GCN1: variants seen among roughly 807,000 people sequenced by gnomAD.
GCN1 encodes the protein stalled ribosome sensor GCN1.
A neutral mutation model predicts 288.4 loss-of-function variants in GCN1; 90 were observed. The observed-to-expected ratio is 0.31, with a 90% confidence interval of 0.26 to 0.37. GCN1 has a LOEUF of 0.37. Among genes scored for constraint, GCN1 ranks in the 10% least tolerant of loss-of-function variants. The probability of loss-of-function intolerance (pLI) is 1.00; values close to 1 mark genes in which losing one functional copy is unlikely to be tolerated. For synonymous variants in GCN1, 1,386 were observed against 1,420.2 expected (o/e 0.98, Z 0.54); for missense variants, 2,586 against 3,419.9 (o/e 0.76, Z 6.08).
intron 11 of GCN1, 110 bp from the exon 12 acceptor site, chr12:120,175,322 T>C (rs1037788946): frequency 1.9e-6 from 2 of 1,032,570 alleles, no homozygotes; most frequent in Admixed American, 1.8e-5. Context: ...ATTCCAGAAG[T>C]AGCCTTTGTG....
intron 2 of GCN1, 76 bp from the exon 3 acceptor site, chr12:120,184,963 G>A: frequency 4.2e-6 from 4 of 959,064 alleles, no homozygotes; most frequent in South Asian, 3.9e-5. Context: ...ATTCTGCCCA[G>A]ACATGATCTC....
chr12:120,176,344 T>C, intron 9 of GCN1, 127 bp from the exon 10 acceptor site: 1 of 657,692 alleles, frequency 1.5e-6, no homozygotes, highest in Non-Finnish European at 2.7e-6. Context: ...ACAGGCTACA[T>C]GAGTAGTCCC....
At chr12:120,185,609 T>A (rs533234077) in intron 2 of GCN1, among the ~76,000 whole-genome samples, 59 of 152,312 alleles carry the variant, frequency 3.9e-4, no homozygotes, top group Admixed American at 2.7e-3. Context: ...CCCCCCCGCC[T>A]TTTATTTTTC....
At chr12:120,152,489 T>C (rs1034470572) in intron 33 of GCN1, among the ~76,000 whole-genome samples, 8 of 131,248 alleles carry the variant, frequency 6.1e-5, no homozygotes, top group African/African-American at 2.4e-4. Flanking sequence ...AAGAAATTTA[T>C]TTGCACTGTA....
rs2064741500 is a variant in GCN1 at position 120,153,696 on chromosome 12, G to C, written c.3867+48C>G. On this transcript the variant is annotated intron_variant, in intron 32 of 57. Coordinates refer to ENST00000300648, the MANE Select transcript of GCN1 (RefSeq NM_006836.2). This position sits in a 1 kb window ranked among gnomAD's most constrained non-coding sequence, Gnocchi z 4.4. ...CCTCCCGTGTCTCCTTAGCGGGCTG[G>C]GACCCCCTTACCTTCCCGTGGGTGT... The C allele has an allele frequency of 1.3e-6, 2 of 1,576,108 alleles. No individual in the cohort carries two copies. Among genetic ancestry groups the C allele is most frequent in the South Asian group, 1.1e-5 (1 of 88,230 alleles).
In GCN1 at chr12:120,156,668, G is replaced by A. The variant is rs1877758729; in HGVS notation, c.3169-64C>T. On this transcript the variant is annotated intron_variant, in intron 27 of 57. Coordinates refer to ENST00000300648, the MANE Select transcript of GCN1 (RefSeq NM_006836.2). This position sits in a 1 kb window ranked among gnomAD's most constrained non-coding sequence, Gnocchi z 5.8. ...CATTTACTACTAGGGGGCCAGAGAG[G>A]GATATGCACTGAGAACACCCACCCC... 2.6e-6 allele frequency: 4 copies of A among 1,530,042 alleles called. No homozygotes were observed. The highest frequency in any genetic ancestry group is 3.6e-6 in the Non-Finnish European group (4 of 1,109,818). 94.8% of individuals were successfully genotyped at this position (1,530,042 alleles called of 1,614,324 possible).
intron 5 of GCN1, among the ~76,000 whole-genome samples, 166 bp from the exon 6 acceptor site, chr12:120,179,116 C>T (rs1199241179): frequency 6.6e-6 from 1 of 152,236 alleles, no homozygotes; most frequent in Non-Finnish European, 1.5e-5. Context: ...CCACCCCACA[C>T]ATTTAGTTCT....
rs1190485443 is a variant in GCN1, at chr12:120,163,052, C to T, written c.2038+18G>A. ...CCCTAAAGCTCTGGGCTCTCCCACA[C>T]CCACCGCAGCCACGGACCTAAGGAT... On this transcript the variant is annotated intron_variant, in intron 19 of 57. Transcript: ENST00000300648. The T allele has an allele frequency of 3.7e-6, 6 of 1,613,524 alleles. No homozygotes were observed. Among genetic ancestry groups the T allele is most frequent in the Non-Finnish European group, 4.2e-6 (5 of 1,179,536 alleles).
Position 120,150,041 on chromosome 12 carries a change from C to T in GCN1, c.4312G>A (p.Ala1438Thr), listed in dbSNP as rs1420963569. 2 of 1,613,874 alleles carry T rather than the reference C, an allele frequency of 1.2e-6. No individual in the cohort carries two copies. Among genetic ancestry groups the T allele is most frequent in the South Asian group, 2.2e-5 (2 of 91,070 alleles). The change falls in exon 35 of 58, where the codon GCC (alanine) becomes ACC (threonine). Residue 1438 changes from alanine (A) to threonine (T), a missense_variant and splice_region_variant. Physicochemically the swap from Ala to Thr is moderately conservative, Grantham distance 58. This residue lies in a region of GCN1 where 371 missense variants were observed against 572.6 expected (regional missense o/e 0.65). Coordinates refer to ENST00000300648, the MANE Select transcript of GCN1 (RefSeq NM_006836.2). ...DKKNFRRREG[A>T]LFAFEMLCTM... ...CAGAGCATCTCGAAGGCAAAGAGGG[C>T]TCCTAGGGGAAAAGAAGGTGGGACG...
intron 36 of GCN1, 61 bp downstream of exon 36, chr12:120,149,545 C>A: frequency 8.4e-7 from 1 of 1,188,948 alleles, no homozygotes; most frequent in Non-Finnish European, 1.3e-6. Context: ...ACCCAGGATC[C>A]TTGCTGAGGC....
intron 18 of GCN1, among the ~76,000 whole-genome samples, chr12:120,164,100 CA>C (rs1476916619): frequency 6.6e-6 from 1 of 151,754 alleles, no homozygotes; most frequent in Non-Finnish European, 1.5e-5. Context: ...CAAAACAAAA[CA>C]AAAACCCCAA....
intron 14 of GCN1, among the ~76,000 whole-genome samples, chr12:120,171,756 C>A (rs1878321014): frequency 6.6e-6 from 1 of 152,148 alleles, no homozygotes; most frequent in Admixed American, 6.6e-5. Flanking sequence ...AAAATAAATG[C>A]AACGAGCAGA....
At chr12:120,160,372 T>C (rs531401868) in intron 22 of GCN1, 117 bp from the exon 23 acceptor site, 34 of 725,848 alleles carry the variant, frequency 4.7e-5, no homozygotes, top group Non-Finnish European at 5.0e-5. Flanking sequence ...TAAGTGTGAG[T>C]TGGGCCCCTG....
Position 120,137,770 on chromosome 12 carries a change from G to C in GCN1, c.6438C>G (p.Asp2146Glu). 1 of 1,614,010 alleles carries C rather than the reference G, an allele frequency of 6.2e-7. No individual in the cohort carries two copies. Among genetic ancestry groups the C allele is most frequent in the Non-Finnish European group, 8.5e-7 (1 of 1,179,914 alleles). The stretch of plus-strand genomic sequence containing the variant: ...CCTCGATGATGATCCGGTGCCCTGT[G>C]TCATCCTCTACGGAGAGGATCACAG... ...CQAVILSVEDDTGHRIIIEDL... is the reference protein window; with the variant it reads ...CQAVILSVEDETGHRIIIEDL... Residue 2146 changes from aspartate to glutamate, a missense_variant, in exon 49 of 58, where the codon GAC (aspartate) becomes GAG (glutamate). Around this residue, in one of 8 missense-constraint regions of GCN1, gnomAD observed 437 missense variants for 570.5 expected, o/e 0.77. Transcript: ENST00000300648. The surrounding 1 kb of genome is among the most constrained non-coding windows in gnomAD (Gnocchi z 5.2).
At chr12:120,176,689 T>C (rs528975238) in intron 9 of GCN1, among the ~76,000 whole-genome samples, 4 of 152,354 alleles carry the variant, frequency 2.6e-5, no homozygotes, top group African/African-American at 7.2e-5. Flanking sequence ...CAGTGGGTTC[T>C]TGAACCCCTA....
At chr12:120,174,309 T>C in intron 12 of GCN1, 140 bp from the exon 13 acceptor site, 1 of 619,614 alleles carries the variant, frequency 1.6e-6, no homozygotes, top group East Asian at 2.9e-5. Flanking sequence ...TGGCCATTAT[T>C]GATCTTCCTT....
chr12:120,183,975 C>T, intron 4 of GCN1, 137 bp downstream of exon 4: 1 of 819,712 alleles, frequency 1.2e-6, no homozygotes, highest in Non-Finnish European at 1.9e-6. Context: ...TGTTTCCCAA[C>T]CCTGCTCCTC....
At position 120,142,658 on chromosome 12, in the gene GCN1, C is replaced by T. The variant is rs905321849; in HGVS notation, c.5678G>A (p.Arg1893His). The stretch of plus-strand genomic sequence containing the variant: ...CCGCACCACCAGCTGGGTGTCTGAG[C>T]GGCCCATGTACAGCCCTGCCAACAC... The part of the protein sequence containing the change: ...NRVLAGLYMG[R>H]SDTQLVVRQA... The change falls in exon 44 of 58, where the codon CGC becomes CAC. Residue 1893 changes from arginine (R) to histidine (H), a missense_variant. Physicochemically the swap from Arg to His is conservative, Grantham distance 29 (BLOSUM62 0). This residue lies in a region of GCN1 where 437 missense variants were observed against 570.5 expected (regional missense o/e 0.77). Transcript: ENST00000300648. This position sits in a 1 kb window ranked among gnomAD's most constrained non-coding sequence, Gnocchi z 4.9. The T allele has an allele frequency of 1.8e-5, 29 of 1,613,930 alleles. No homozygotes were observed. Among genetic ancestry groups the T allele is most frequent in the Non-Finnish European group, 2.5e-5 (29 of 1,180,022 alleles).
chr12:120,189,853 C>A (rs1878947920), intron 2 of GCN1, among the ~76,000 whole-genome samples: 2 of 152,170 alleles, frequency 1.3e-5, no homozygotes, highest in Admixed American at 1.3e-4. Flanking sequence ...GTGGCGCACA[C>A]CTGTAATCCC....
Sources: allele counts gnomAD v4.1 joint callset (sites outside exome capture counted in the v4.1 genomes callset), GRCh38; gene constraint gnomAD v4.1.1; regional missense constraint gnomAD v4.1.1; non-coding constraint Gnocchi (gnomAD v3.1); transcripts MANE v1.5; gene names NCBI Gene and HGNC (gene_info 2026-07-23, HGNC 2026-07-21).